Variants in UNC79 observed in about 807,000 individuals in gnomAD.
The protein encoded by UNC79 is protein unc-79 homolog.
In UNC79, 37 loss-of-function variants were observed where a neutral mutation model predicts 283.1. The observed-to-expected ratio is 0.13, with a 90% confidence interval of 0.10 to 0.17. The LOEUF is 0.17. Ranked by LOEUF, UNC79 falls within the 10% of genes least tolerant of loss-of-function variation. UNC79 has a pLI of 1.00. For missense variants in UNC79, 2,272 were observed against 3,211.1 expected (o/e 0.71, Z 7.07); for synonymous variants, 1,107 against 1,200.2 (o/e 0.92, Z 1.61).
In UNC79 at chr14:93,348,121, A is replaced by G. The variant is rs367709603; in HGVS notation, c.-351+14598A>G. 9 of 1,563,632 alleles carry G rather than the reference A, an allele frequency of 5.8e-6. No individual in the cohort carries two copies. In the East Asian group the frequency reaches 1.1e-4, roughly 19 times the overall value. ...CCTGAAGCAGTTCAGAAGGAATTAG[A>G]TGGAAGATGATGTTGAACAGCTGTT... On this transcript the variant is annotated intron_variant, in intron 1 of 49. Coordinates refer to the UNC79 transcript ENST00000256339.
rs533771829 is a variant in UNC79, at chr14:93,654,566, AATAATTTAAATTTTAAAAATTAAC to A, written c.6282+585_6283-601del. Among the ~76,000 whole-genome samples, 699 of 151,838 alleles carry A rather than the reference AATAATTTAAATTTTAAAAATTAAC, an allele frequency of 4.6e-3. 4 individuals are homozygous for A. The highest frequency in any genetic ancestry group is 0.016 in the African/African-American group (661 of 41,434). On this transcript the variant is annotated intron_variant, in intron 37 of 48. Coordinates refer to ENST00000555664, the Ensembl canonical transcript of UNC79. The stretch of plus-strand genomic sequence containing the variant: ...AAATAATAGAAAATGCTAAAATTTA[AATAATTTAAATTTTAAAAATTAAC>A]ATAATTTAAATTTTAAAAATTAACA...
chr14:93,582,165 A>G (rs1267499798), intron 19 of UNC79, 38 bp from the exon 20 acceptor site: 3 of 1,613,824 alleles, frequency 1.9e-6, no homozygotes, highest in Non-Finnish European at 1.7e-6. Flanking sequence ...ACACCCCTCC[A>G]GGGCTGCTTA....
rs2067165213 is a variant in UNC79 at position 93,621,868 on chromosome 14, T to C, written c.4635T>C (p.Pro1545=). Residue 1545 remains proline (P), a synonymous_variant, in exon 30 of 49, where the codon CCT becomes CCC. Coordinates refer to ENST00000555664, the Ensembl canonical transcript of UNC79. The surrounding 1 kb of genome is among the most constrained non-coding windows in gnomAD (Gnocchi z 4.8). ...ATATCGCACAAAGACCAAACGACCC[T>C]GGACGTTCTAGACAGAACTCTGCTA... is the stretch of plus-strand genomic sequence containing the variant. 1 of 1,613,820 alleles carries C rather than the reference T, an allele frequency of 6.2e-7. No homozygotes were observed. The highest frequency in any genetic ancestry group is 1.3e-5 in the African/African-American group (1 of 74,850).
In UNC79 at chr14:93,667,335, C is replaced by G. The variant is rs367595195; in HGVS notation, c.6636+4621C>G. Among the ~76,000 whole-genome samples, 17 of 152,160 alleles carry G rather than the reference C, an allele frequency of 1.1e-4. No homozygotes were observed. In the South Asian group the frequency reaches 2.1e-3, roughly 19 times the overall value. On this transcript the variant is annotated intron_variant, in intron 40 of 48. Transcript: ENST00000555664. ...GACTAGACTAATAAAATAGACAAAC[C>G]GTTGGCAAGACTGATCAAGAAAACC...
intron 47 of UNC79, among the ~76,000 whole-genome samples, chr14:93,700,879 A>AT (rs1271006115): frequency 6.6e-6 from 1 of 151,918 alleles, no homozygotes; most frequent in African/African-American, 2.4e-5. Flanking sequence ...TCACCAGGGG[A>AT]TTTTTTTCCT....
At chr14:93,580,401 A>G (rs1163282704) in intron 19 of UNC79, 25 bp downstream of exon 19, 12 of 1,605,812 alleles carry the variant, frequency 7.5e-6, no homozygotes, top group Non-Finnish European at 1.0e-5. Context: ...AAACGAGATG[A>G]CCCATGTATA....
chr14:93,703,371 C>T, intron 47 of UNC79, among the ~76,000 whole-genome samples: 1 of 152,194 alleles, frequency 6.6e-6, no homozygotes, highest in East Asian at 1.9e-4. Context: ...AGAATTTGTT[C>T]CAGACCTGTC....
chr14:93,494,711 C>T (rs868592911), intron 5 of UNC79, among the ~76,000 whole-genome samples: 78 of 152,240 alleles, frequency 5.1e-4, no homozygotes, highest in African/African-American at 1.9e-3. Context: ...ATTAGGCCTT[C>T]AGAAACTTCA....
chr14:93,429,670 G>T (rs138038230), upstream of UNC79, among the ~76,000 whole-genome samples: 22 of 152,254 alleles, frequency 1.4e-4, no homozygotes, highest in East Asian at 5.8e-4. Context: ...TGATTTATCA[G>T]CATTAAAAGT....
At chr14:93,612,726 T>C in intron 26 of UNC79, 71 bp from the exon 28 acceptor site, 6 of 1,556,320 alleles carry the variant, frequency 3.9e-6, no homozygotes, top group Non-Finnish European at 5.2e-6. Context: ...CTTATCAATA[T>C]CTAAGAGAGA....
intron 47 of UNC79, among the ~76,000 whole-genome samples, chr14:93,700,108 T>C: frequency 6.6e-6 from 1 of 151,282 alleles, no homozygotes; most frequent in African/African-American, 2.4e-5. Context: ...AAGATATTGC[T>C]CCTCCATTGT....
In UNC79 at chr14:93,651,919, T is replaced by A. The variant is rs967666224; in HGVS notation, c.6084-1823T>A. Among the ~76,000 whole-genome samples the A allele has an allele frequency of 2.8e-5, 4 of 144,020 alleles. No homozygotes were observed. In the South Asian group the frequency reaches 9.3e-4, roughly 33 times the overall value. 94.5% of individuals were successfully genotyped at this position (144,020 alleles called of 152,430 possible). The stretch of plus-strand genomic sequence containing the variant: ...ATACCTGGCTAATTTTGTATTTTTT[T>A]TTTTTTTTTTTTTTTTTTTTTACTA... On this transcript the variant is annotated intron_variant, in intron 35 of 48. Transcript: ENST00000555664.
At chr14:93,622,591 C>A (rs2067220501) in exon 30 of UNC79, 1 of 1,614,026 alleles carries the variant, frequency 6.2e-7, no homozygotes, top group Non-Finnish European at 8.5e-7. Flanking sequence ...CAAAAACCGT[C>A]CTCCTCAAAG....
intron 1 of UNC79, among the ~76,000 whole-genome samples, chr14:93,453,570 T>A (rs894892575): frequency 6.6e-6 from 1 of 152,202 alleles, no homozygotes; most frequent in Non-Finnish European, 1.5e-5. Context: ...TCAAGTACAA[T>A]AAGCACAGTA....
chr14:93,623,879 G>A (rs2067334207), intron 30 of UNC79, among the ~76,000 whole-genome samples: 1 of 152,180 alleles, frequency 6.6e-6, no homozygotes, highest in Non-Finnish European at 1.5e-5. Flanking sequence ...GTGACAGAGT[G>A]AGACTCCGTC....
chr14:93,568,976 A>G lies in UNC79; in HGVS notation c.1756-2918A>G, dbSNP rs183452566. Among the ~76,000 whole-genome samples, 266 of 152,344 alleles carry G rather than the reference A, an allele frequency of 1.7e-3. 2 individuals are homozygous for G. The highest frequency in any genetic ancestry group is 6.0e-3 in the African/African-American group (251 of 41,578). ...TTAAAGTGGGCCGAGCTAAGGAAAA[A>G]GGCATTGGAGTTTTCTTAGGAGACT... On this transcript the variant is annotated intron_variant, in intron 14 of 48. Transcript: ENST00000555664.
intron 1 of UNC79, among the ~76,000 whole-genome samples, chr14:93,366,900 TA>T (rs1282082376): frequency 2.0e-5 from 3 of 152,120 alleles, no homozygotes; most frequent in Admixed American, 6.5e-5. Context: ...TTTTACCCAA[TA>T]AATATAAGTG....
At chr14:93,425,623 A>G (rs2055708810), upstream of UNC79, among the ~76,000 whole-genome samples, 1 of 152,168 alleles carries the variant, frequency 6.6e-6, no homozygotes, top group Admixed American at 6.5e-5. Context: ...TGGAATTAGA[A>G]CCTTTTGGGG....
chr14:93,451,677 G>A (rs2056647779), intron 1 of UNC79, among the ~76,000 whole-genome samples: 1 of 152,168 alleles, frequency 6.6e-6, no homozygotes, highest in Non-Finnish European at 1.5e-5. Flanking sequence ...ACAGTTTTCA[G>A]CCAATCCCCC....
Sources: gnomAD v4.1 joint callset for allele counts (sites outside exome capture counted in the v4.1 genomes callset) on GRCh38, gnomAD v4.1.1 for gene constraint, Gnocchi (gnomAD v3.1) non-coding constraint, MANE v1.5 for transcripts, NCBI Gene and HGNC (gene_info 2026-07-23, HGNC 2026-07-21) for gene names.